EP400: variants seen among roughly 807,000 people sequenced by gnomAD.
EP400 encodes the protein E1A-binding protein p400.
In EP400, 105 loss-of-function variants were observed where a neutral mutation model predicts 354.1. The ratio of observed to expected loss-of-function variants is 0.30; its 90% CI spans 0.25 to 0.35. The LOEUF (loss-of-function observed/expected upper bound fraction) is 0.35, where lower values mean the gene tolerates loss of function less well. EP400 is among the 10% of genes least tolerant of loss of function. EP400 has a pLI of 1.00. For missense variants in EP400, 3,280 were observed against 4,121.0 expected, an observed-to-expected ratio of 0.80 and a Z score of 5.59; for synonymous variants, 1,646 against 1,716.9, an observed-to-expected ratio of 0.96 and a Z score of 1.02.
In EP400 at chr12:131,963,621, AT is replaced by A. The variant is rs1309141259; in HGVS notation, c.1335+1668del. 3.8e-6 allele frequency: 6 copies of A among 1,598,164 alleles called. No individual in the cohort carries two copies. In the South Asian group the frequency reaches 6.6e-5, roughly 18 times the overall value. ...CGCCAAAGGTTTCTGCTGCTTTTTC[AT>A]CCCAGCAGCAACCATTTCAGGTACT... On this transcript the variant is annotated intron_variant, in intron 2 of 52. Coordinates refer to ENST00000389561, the MANE Select transcript of EP400 (RefSeq NM_015409.5).
At chr12:132,041,509 C>T (rs1281411213) in intron 32 of EP400, among the ~76,000 whole-genome samples, 3 of 152,154 alleles carry the variant, frequency 2.0e-5, no homozygotes, top group African/African-American at 7.2e-5. Context: ...GCGTAGCAGT[C>T]TGTAACTCGT....
intron 3 of EP400, among the ~76,000 whole-genome samples, chr12:131,980,009 C>T (rs1212049926): frequency 2.0e-5 from 3 of 152,156 alleles, no homozygotes; most frequent in Admixed American, 2.0e-4. Context: ...AGGTGTATTC[C>T]GTGTTGGTTT....
At chr12:131,973,353 A>C (rs1206783031) in intron 2 of EP400, among the ~76,000 whole-genome samples, 1 of 152,198 alleles carries the variant, frequency 6.6e-6, no homozygotes, top group Non-Finnish European at 1.5e-5. Flanking sequence ...CAGTTTTATT[A>C]TGGCTTTGCA....
intron 47 of EP400, among the ~76,000 whole-genome samples, chr12:132,063,310 C>T (rs994151249): frequency 1.3e-5 from 2 of 152,122 alleles, no homozygotes; most frequent in Admixed American, 6.5e-5. Context: ...GTCAGGAGTT[C>T]GAGACCAGCC....
chr12:131,993,617 C>T (rs1001672426), intron 11 of EP400, among the ~76,000 whole-genome samples: 2 of 152,134 alleles, frequency 1.3e-5, no homozygotes, highest in African/African-American at 4.8e-5. Flanking sequence ...CTGAGAGATG[C>T]GTTGCTGGAC....
At chr12:131,951,127 C>T (rs1167499643) in intron 1 of EP400, among the ~76,000 whole-genome samples, 2 of 146,514 alleles carry the variant, frequency 1.4e-5, no homozygotes, top group East Asian at 4.0e-4. Flanking sequence ...CATGTTGGTC[C>T]GGCTGGTCTG....
chr12:132,018,103 C>T lies in EP400; in HGVS notation c.4111-107C>T, dbSNP rs946805283. ...CTTGCCGAGTGGCCGTTAGAGGGGG[C>T]GCGTCTGGATGCCCACGTTAGGGCC... On this transcript the variant is annotated intron_variant, in intron 20 of 52. Transcript: ENST00000389561. The surrounding 1 kb of genome is among the most constrained non-coding windows in gnomAD (Gnocchi z 4.0). The T allele has an allele frequency of 7.2e-6, 10 of 1,387,972 alleles. No individual in the cohort carries two copies. The highest frequency in any genetic ancestry group is 5.8e-5 in the African/African-American group (4 of 68,620). 86.0% of individuals were successfully genotyped at this position (1,387,972 alleles called of 1,614,324 possible).
intron 2 of EP400, among the ~76,000 whole-genome samples, chr12:131,965,635 C>G (rs181761475): frequency 2.7e-5 from 4 of 150,080 alleles, no homozygotes; most frequent in African/African-American, 9.7e-5. Flanking sequence ...CCTCATCAAC[C>G]CTTCACGCCT....
chr12:132,080,129 C>G lies in EP400; in HGVS notation c.*2456C>G, dbSNP rs572859080. 5.9e-5 allele frequency: 9 copies of G among 152,316 alleles called. 1 individual carries two copies. In the South Asian group the frequency reaches 1.9e-3, roughly 32 times the overall value. 9.4% of individuals were successfully genotyped at this position (152,316 alleles called of 1,614,324 possible). A position where few individuals can be genotyped will look rare whatever the true frequency, so the allele number is the denominator to read the frequency against. On this transcript the variant is annotated 3_prime_UTR_variant, in exon 53 of 53. Coordinates refer to ENST00000389561, the MANE Select transcript of EP400 (RefSeq NM_015409.5). The stretch of plus-strand genomic sequence containing the variant: ...TTGGCGACCCTGGGAAACAGTTGCC[C>G]TGCTATTCTTTAAAGAAAGACGTTT...
Position 132,027,564 on chromosome 12 carries a change from T to G in EP400, c.5109+33T>G. 6.4e-7 allele frequency: 1 copy of G among 1,557,182 alleles called. No homozygotes were observed. Among genetic ancestry groups the G allele is most frequent in the Non-Finnish European group, 8.7e-7 (1 of 1,143,674 alleles). ...CCTGAGCTTGAGACCCCGGTGCACG[T>G]GGACAGGTAGCTTTCCAAGAGCTGC... is the stretch of plus-strand genomic sequence containing the variant. On this transcript the variant is annotated intron_variant, in intron 26 of 52. Coordinates refer to ENST00000389561, the MANE Select transcript of EP400 (RefSeq NM_015409.5). This position sits in a 1 kb window ranked among gnomAD's most constrained non-coding sequence, Gnocchi z 4.9.
intron 50 of EP400, 67 bp from the exon 51 acceptor site, chr12:132,069,428 G>A (rs1896003611): frequency 1.9e-6 from 3 of 1,576,624 alleles, no homozygotes; most frequent in Non-Finnish European, 2.6e-6. Context: ...CCCAGAGCGG[G>A]CAGGCGTCCC....
chr12:132,053,911 CAT>C (rs1434449124), intron 43 of EP400, among the ~76,000 whole-genome samples: 16 of 152,146 alleles, frequency 1.1e-4, no homozygotes, highest in Admixed American at 1.0e-3. Flanking sequence ...TTTTGTAAAA[CAT>C]ACCTGTGACG....
intron 45 of EP400, among the ~76,000 whole-genome samples, chr12:132,061,359 G>T (rs551750855): frequency 1.4e-4 from 22 of 152,330 alleles, no homozygotes; most frequent in African/African-American, 3.6e-4. Context: ...GGGTGGAATG[G>T]AAAACATGGA....
chr12:131,994,912 G>A lies in EP400; in HGVS notation c.2783G>A (p.Gly928Asp), dbSNP rs1893153592. The A allele has an allele frequency of 6.2e-7, 1 of 1,614,136 alleles. No individual in the cohort carries two copies. The highest frequency in any genetic ancestry group is 1.3e-5 in the African/African-American group (1 of 75,048). ...ATTGAAGAGGAGGAAGCAAATGAAG[G>A]CGTTGTGGACCACCAAACAGAACTT... ...ETIEEEEANEGVVDHQTELSN... is the reference protein window; with the variant it reads ...ETIEEEEANEDVVDHQTELSN... Residue 928 changes from glycine to aspartate, a missense_variant, in exon 12 of 53, where the codon GGC becomes GAC. Physicochemically the swap from Gly to Asp is moderately conservative, Grantham distance 94 (BLOSUM62 -1). Transcript: ENST00000389561. The surrounding 1 kb of genome is among the most constrained non-coding windows in gnomAD (Gnocchi z 4.6).
chr12:132,004,969 G>C (rs1893531261), intron 12 of EP400, 108 bp from the exon 13 acceptor site: 1 of 774,502 alleles, frequency 1.3e-6, no homozygotes, highest in Non-Finnish European at 2.3e-6. Context: ...ATGTGAGAGG[G>C]AGCCCCTTGC....
rs1256759752 is a variant in EP400 at position 132,017,029 on chromosome 12, C to T, written c.3924-506C>T. 6.6e-6 allele frequency among the ~76,000 whole-genome samples: 1 copy of T among 152,232 alleles called. No homozygotes were observed. The highest frequency in any genetic ancestry group is 1.5e-5 in the Non-Finnish European group (1 of 68,046). ...CTCCCCACCATGGTCCCATTTCCTG[C>T]CCAGCCCTGGTCCCAGTGTGCGTTG... On this transcript the variant is annotated intron_variant, in intron 19 of 52. Transcript: ENST00000389561. This position sits in a 1 kb window ranked among gnomAD's most constrained non-coding sequence, Gnocchi z 5.0.
rs1450331656 is a variant in EP400, at chr12:131,994,923, C to T, written c.2794C>T (p.His932Tyr). The change falls in exon 12 of 53, where the codon CAC becomes TAC. Residue 932 changes from histidine to tyrosine, a missense_variant. By Grantham distance (83) the His-to-Tyr change is moderately conservative. This residue lies in a region of EP400 where 800 missense variants were observed against 840.0 expected (regional missense o/e 0.95). Transcript: ENST00000389561. This position sits in a 1 kb window ranked among gnomAD's most constrained non-coding sequence, Gnocchi z 4.6. ...GGAAGCAAATGAAGGCGTTGTGGAC[C>T]ACCAAACAGAACTTTCTAATTTAGC... ...EEEANEGVVD[H>Y]QTELSNLAKE... The T allele has an allele frequency of 6.2e-7, 1 of 1,614,080 alleles. No individual in the cohort carries two copies. The highest frequency in any genetic ancestry group is 8.5e-7 in the Non-Finnish European group (1 of 1,179,972).
chr12:131,992,213 C>G lies in EP400; in HGVS notation c.2720C>G (p.Ser907Cys). 1 of 1,610,544 alleles carries G rather than the reference C, an allele frequency of 6.2e-7. No homozygotes were observed. Among genetic ancestry groups the G allele is most frequent in the Non-Finnish European group, 8.5e-7 (1 of 1,179,894 alleles). ...GGAAGAAAAAGAAAAGCTAGCATAT[C>G]TTTGACTGATGACGAAGGTCTGTTC... ...MSGRKRKASI[S>C]LTDDEVDDEE... The change falls in exon 11 of 53, where the codon TCT becomes TGT. Residue 907 changes from serine (S) to cysteine (C), a missense_variant. Ser to Cys is a moderately radical substitution (Grantham distance 112). Coordinates refer to ENST00000389561, the MANE Select transcript of EP400 (RefSeq NM_015409.5).
chr12:132,041,672 A>G (rs1036371065), intron 32 of EP400, among the ~76,000 whole-genome samples: 1 of 152,002 alleles, frequency 6.6e-6, no homozygotes, highest in Non-Finnish European at 1.5e-5. Flanking sequence ...CAGGCTGCTT[A>G]TGTTTGATTT....
Sources: gnomAD v4.1 joint callset for allele counts (sites outside exome capture counted in the v4.1 genomes callset) on GRCh38, gnomAD v4.1.1 for gene constraint, gnomAD v4.1.1 regional missense constraint, Gnocchi (gnomAD v3.1) non-coding constraint, MANE v1.5 for transcripts, NCBI Gene and HGNC (gene_info 2026-07-23, HGNC 2026-07-21) for gene names.